The following TLK2 variants were observed in gnomAD, a reference collection of about 807,000 sequenced individuals.
The protein encoded by TLK2 is serine/threonine-protein kinase tousled-like 2.
A neutral mutation model predicts 117.3 loss-of-function variants in TLK2; 6 were observed. That is an observed-to-expected ratio of 0.05 (90% CI 0.03 to 0.10). The LOEUF (loss-of-function observed/expected upper bound fraction) is 0.10, where lower values mean the gene tolerates loss of function less well. Ranked by LOEUF, TLK2 falls within the 10% of genes least tolerant of loss-of-function variation. TLK2 has a pLI of 1.00. For missense variants in TLK2, 299 were observed against 901.2 expected, an observed-to-expected ratio of 0.33 and a Z score of 8.56; for synonymous variants, 257 against 316.7, an observed-to-expected ratio of 0.81 and a Z score of 2.00.
At chr17:62,556,323 A>G (rs1234291719) in intron 9 of TLK2, among the ~76,000 whole-genome samples, 2 of 152,204 alleles carry the variant, frequency 1.3e-5, no homozygotes, top group Non-Finnish European at 2.9e-5. Flanking sequence ...AGTCATTGTT[A>G]GACTTGTTTA....
chr17:62,536,365 A>G (rs1427691103), intron 7 of TLK2, 28 bp downstream of exon 7: 2 of 1,591,780 alleles, frequency 1.3e-6, no homozygotes, highest in Admixed American at 3.5e-5. Context: ...GTTAATTCAT[A>G]TCCTTTCCAT....
chr17:62,491,502 T>G (rs2073107730), intron 2 of TLK2, among the ~76,000 whole-genome samples: 1 of 152,216 alleles, frequency 6.6e-6, no homozygotes, highest in Non-Finnish European at 1.5e-5. Context: ...TATGTTTCAC[T>G]TGATCCTGGC....
intron 18 of TLK2, among the ~76,000 whole-genome samples, chr17:62,601,305 C>T (rs554000562): frequency 8.5e-4 from 129 of 152,232 alleles, no homozygotes; most frequent in African/African-American, 3.0e-3. Context: ...CAGCTAGAGT[C>T]CTTACCTCTA....
chr17:62,566,408 G>A (rs1458174343), intron 11 of TLK2, among the ~76,000 whole-genome samples: 1 of 152,210 alleles, frequency 6.6e-6, no homozygotes, highest in Non-Finnish European at 1.5e-5. Context: ...TTAGACGTTA[G>A]TAGTCCTTGT....
At chr17:62,608,407 G>A (rs2083468921) in intron 21 of TLK2, among the ~76,000 whole-genome samples, 2 of 152,222 alleles carry the variant, frequency 1.3e-5, no homozygotes, top group Non-Finnish European at 2.9e-5. Flanking sequence ...GAGTCAGAAA[G>A]GGAGGGAGAG....
At chr17:62,530,099 C>T (rs2145719458) in intron 6 of TLK2, among the ~76,000 whole-genome samples, 1 of 152,036 alleles carries the variant, frequency 6.6e-6, no homozygotes, top group South Asian at 2.1e-4. Context: ...GTGGTGAAAC[C>T]CTGTCTCTAC....
intron 1 of TLK2, among the ~76,000 whole-genome samples, chr17:62,471,888 C>CTTTTTGTTTTTTTTTTTT (rs2070947073): frequency 2.6e-5 from 1 of 37,776 alleles, no homozygotes; most frequent in Non-Finnish European, 4.4e-5. Flanking sequence ...GTAGTATAGT[C>CTTTTTGTTTTTTTTTTTT]TTTTTTTTTT....
intron 6 of TLK2, among the ~76,000 whole-genome samples, chr17:62,533,664 G>A (rs8076378): frequency 0.87 from 131,929 of 151,518 alleles, 58,840 homozygotes; most frequent in East Asian, 1. Context: ...TTTAGTAGAG[G>A]CAGGGTTTTG....
intron 2 of TLK2, among the ~76,000 whole-genome samples, chr17:62,506,162 A>G (rs1473792675): frequency 2.0e-5 from 3 of 152,234 alleles, no homozygotes; most frequent in Non-Finnish European, 4.4e-5. Context: ...ATTATAGGTT[A>G]GTAGTGTAAT....
chr17:62,486,450 G>A (rs12949761), intron 2 of TLK2, among the ~76,000 whole-genome samples: 2 of 152,034 alleles, frequency 1.3e-5, no homozygotes, highest in Admixed American at 6.6e-5. Flanking sequence ...GTGAGCCACC[G>A]CGCCTGGCCT....
rs889290806 is a variant in TLK2, at chr17:62,536,053, C to T, written c.364-117C>T. The T allele has an allele frequency of 6.8e-6, 8 of 1,184,566 alleles. No homozygotes were observed. The African/African-American group carries it at 1.2e-4, about 18-fold the overall frequency. The allele number at this position is 1,184,566 out of a possible 1,614,324, so 73.4% of individuals were successfully genotyped here. A position where few individuals can be genotyped will look rare whatever the true frequency, so the allele number is the denominator to read the frequency against. ...CTCTCCATAATTATTTTTAGAGAGG[C>T]CTTTTTAAATAAACCATTCATCTTA... On this transcript the variant is annotated intron_variant, in intron 6 of 21. Coordinates refer to ENST00000346027, the MANE Select transcript of TLK2 (RefSeq NM_006852.6).
chr17:62,479,848 T>C (rs1170581076), intron 1 of TLK2, among the ~76,000 whole-genome samples: 4 of 152,186 alleles, frequency 2.6e-5, no homozygotes, highest in African/African-American at 9.7e-5. Context: ...CGAGAGACCT[T>C]GGGGTTTGGG....
At chr17:62,488,232 G>C (rs1342924511) in intron 2 of TLK2, among the ~76,000 whole-genome samples, 1 of 152,158 alleles carries the variant, frequency 6.6e-6, no homozygotes, top group Non-Finnish European at 1.5e-5. Flanking sequence ...CCGTGCCCGG[G>C]CCAAGGAACT....
At chr17:62,596,266 G>C (rs1312408584) in intron 16 of TLK2, among the ~76,000 whole-genome samples, 1 of 151,956 alleles carries the variant, frequency 6.6e-6, no homozygotes, top group Non-Finnish European at 1.5e-5. Flanking sequence ...AGTAGAGACG[G>C]GGTTTCACCA....
intron 6 of TLK2, among the ~76,000 whole-genome samples, chr17:62,533,367 G>GGT (rs369887924): frequency 0.065 from 7,267 of 111,030 alleles, 698 homozygotes; most frequent in Non-Finnish European, 0.079. Context: ...TCCTATACGG[G>GGT]GTGTGTGTGT....
Position 62,560,073 on chromosome 17 carries a change from A to C in TLK2, c.778A>C (p.Lys260Gln), listed in dbSNP as rs1165708700. 2.5e-6 allele frequency: 4 copies of C among 1,612,314 alleles called. No individual in the cohort carries two copies. The highest frequency in any genetic ancestry group is 3.4e-6 in the Non-Finnish European group (4 of 1,179,120). ...ACAGCAAAAGATGCTAGAGAAATAC[A>C]AGGAACGATTAAATAGATGTGTGAC... Reference protein sequence around the residue: ...DEQQKMLEKYKERLNRCVTMS... With the variant: ...DEQQKMLEKYQERLNRCVTMS... The change falls in exon 10 of 22, where the codon AAG becomes CAG. Residue 260 changes from lysine (K) to glutamine (Q), a missense_variant. By Grantham distance (53) the Lys-to-Gln change is moderately conservative. This residue lies in a region of TLK2 where 94 missense variants were observed against 282.6 expected (regional missense o/e 0.33). Coordinates refer to ENST00000346027, the MANE Select transcript of TLK2 (RefSeq NM_006852.6).
chr17:62,534,881 C>CTTTTTTTTT (rs386386398), intron 6 of TLK2, among the ~76,000 whole-genome samples: 9 of 72,988 alleles, frequency 1.2e-4, no homozygotes, highest in Non-Finnish European at 1.7e-4. Flanking sequence ...TAATTCCAGT[C>CTTTTTTTTT]TTTTTTTTTT....
intron 16 of TLK2, among the ~76,000 whole-genome samples, chr17:62,590,094 A>G (rs1378756935): frequency 6.9e-6 from 1 of 144,152 alleles, no homozygotes; most frequent in Non-Finnish European, 1.5e-5. Flanking sequence ...GGCATGAGCC[A>G]CCGTGCCCGG....
At chr17:62,546,780 G>T (rs1469717871) in intron 7 of TLK2, among the ~76,000 whole-genome samples, 1 of 151,578 alleles carries the variant, frequency 6.6e-6, no homozygotes, top group Non-Finnish European at 1.5e-5. Flanking sequence ...GGCTGGTCTC[G>T]AACTCCTGAC....
Sources: allele counts gnomAD v4.1 joint callset (sites outside exome capture counted in the v4.1 genomes callset), GRCh38; gene constraint gnomAD v4.1.1; regional missense constraint gnomAD v4.1.1; transcripts MANE v1.5; gene names NCBI Gene and HGNC (gene_info 2026-07-23, HGNC 2026-07-21).